Variants in GALNT13 observed in about 807,000 individuals in gnomAD.
The protein encoded by GALNT13 is polypeptide N-acetylgalactosaminyltransferase 13.
Under a neutral mutation model 64.2 loss-of-function variants are expected in GALNT13, and 28 were observed. That is an observed-to-expected ratio of 0.44 (90% CI 0.32 to 0.60). The LOEUF (loss-of-function observed/expected upper bound fraction) is 0.60. GALNT13 is among the 20% of genes least tolerant of loss of function. The pLI is 0.05. For synonymous variants in GALNT13, 214 were observed against 224.6 expected, an observed-to-expected ratio of 0.95 and a Z score of 0.42; for missense variants, 577 against 669.8, an observed-to-expected ratio of 0.86 and a Z score of 1.53.
chr2:153,738,426 A>T, the GALNT13 span, among the ~76,000 whole-genome samples: 5 of 152,052 alleles, frequency 3.3e-5, no homozygotes, highest in Admixed American at 6.6e-5. Context: ...TACACTTTTT[A>T]TTTAGCAACT....
chr2:154,109,064 T>C (rs1471320457), intron 3 of GALNT13, among the ~76,000 whole-genome samples: 3 of 152,084 alleles, frequency 2.0e-5, no homozygotes, highest in Non-Finnish European at 4.4e-5. Context: ...TTAATTGTAT[T>C]TATGTGAAAT....
chr2:153,624,347 C>T, the GALNT13 span, among the ~76,000 whole-genome samples: 2 of 152,122 alleles, frequency 1.3e-5, no homozygotes, highest in Non-Finnish European at 2.9e-5. Flanking sequence ...CTTTACCTCT[C>T]CACGCATTGT....
chr2:153,637,324 G>T, the GALNT13 span, among the ~76,000 whole-genome samples: 1 of 152,090 alleles, frequency 6.6e-6, no homozygotes, highest in African/African-American at 2.4e-5. Context: ...TCTATCACAT[G>T]ATCTTTAATT....
the GALNT13 span, among the ~76,000 whole-genome samples, chr2:153,702,418 C>T: frequency 1.3e-5 from 2 of 151,956 alleles, no homozygotes; most frequent in East Asian, 1.9e-4. Context: ...CACACGTGTA[C>T]CTGTGTAACA....
intron 4 of GALNT13, among the ~76,000 whole-genome samples, chr2:154,163,029 T>C (rs570638273): frequency 1.8e-4 from 28 of 151,780 alleles, no homozygotes; most frequent in African/African-American, 6.5e-4. Context: ...ATGTGCACAA[T>C]GTGCAGGTTA....
At chr2:153,749,527 T>C in the GALNT13 span, among the ~76,000 whole-genome samples, 1 of 152,078 alleles carries the variant, frequency 6.6e-6, no homozygotes, top group Non-Finnish European at 1.5e-5. Context: ...CAGTGTTTCA[T>C]ACTTTGCATT....
At chr2:154,148,039 G>C (rs1033194888) in intron 4 of GALNT13, among the ~76,000 whole-genome samples, 11 of 151,874 alleles carry the variant, frequency 7.2e-5, no homozygotes, top group African/African-American at 2.4e-4. Flanking sequence ...TTTAACGTTA[G>C]GTATATCTCC....
At chr2:153,900,624 A>T (rs765273822) in intron 1 of GALNT13, among the ~76,000 whole-genome samples, 2 of 152,172 alleles carry the variant, frequency 1.3e-5, no homozygotes, top group African/African-American at 2.4e-5. Context: ...TTTTTGAATT[A>T]CTTTTATGCC....
the GALNT13 span, among the ~76,000 whole-genome samples, chr2:153,245,879 T>G: frequency 6.6e-6 from 1 of 152,012 alleles, no homozygotes; most frequent in Non-Finnish European, 1.5e-5. Flanking sequence ...TCTAACCCAA[T>G]GCAAGCAGGC....
chr2:153,684,458 A>G, the GALNT13 span, among the ~76,000 whole-genome samples: 6 of 151,770 alleles, frequency 4.0e-5, no homozygotes, highest in Admixed American at 2.6e-4. Flanking sequence ...GTCACATTGC[A>G]TATTAAAATA....
At chr2:154,343,017 A>G (rs1695861686) in intron 9 of GALNT13, among the ~76,000 whole-genome samples, 1 of 151,996 alleles carries the variant, frequency 6.6e-6, no homozygotes, top group Non-Finnish European at 1.5e-5. Flanking sequence ...TGCCACGCCC[A>G]TTTTAGAGAC....
chr2:153,776,334 T>C, the GALNT13 span, among the ~76,000 whole-genome samples: 2,148 of 152,298 alleles, frequency 0.014, 46 homozygotes, highest in African/African-American at 0.048. Context: ...TGAATACAAC[T>C]GTACAAGTCT....
the GALNT13 span, among the ~76,000 whole-genome samples, chr2:153,674,477 C>T: frequency 0.17 from 26,098 of 152,154 alleles, 2,777 homozygotes; most frequent in Non-Finnish European, 0.23. Flanking sequence ...ATCAATGGTG[C>T]TGGGAAAACT....
At chr2:153,704,287 A>G in the GALNT13 span, among the ~76,000 whole-genome samples, 1 of 152,168 alleles carries the variant, frequency 6.6e-6, no homozygotes, top group African/African-American at 2.4e-5. Context: ...ATGTATAGAC[A>G]TATTAAGTGG....
the GALNT13 span, among the ~76,000 whole-genome samples, chr2:153,095,502 A>G: frequency 4.9e-4 from 74 of 152,380 alleles, no homozygotes; most frequent in South Asian, 8.3e-4. Context: ...ATCTAGGACT[A>G]GAAATACCAT....
At chr2:153,133,875 C>A in the GALNT13 span, among the ~76,000 whole-genome samples, 1 of 152,142 alleles carries the variant, frequency 6.6e-6, no homozygotes, top group African/African-American at 2.4e-5. Flanking sequence ...TGTTTCTTTT[C>A]TTTCTTCAGA....
the GALNT13 span, among the ~76,000 whole-genome samples, chr2:153,708,288 T>C: frequency 6.6e-6 from 1 of 152,156 alleles, no homozygotes; most frequent in Non-Finnish European, 1.5e-5. Flanking sequence ...ATAGTCTTCA[T>C]AGGGACCTCA....
At chr2:153,545,294 G>A in the GALNT13 span, among the ~76,000 whole-genome samples, 12 of 152,096 alleles carry the variant, frequency 7.9e-5, no homozygotes, top group African/African-American at 9.7e-5. Flanking sequence ...TTTTACTTCC[G>A]TGTTCTCCAT....
At chr2:153,345,723 TTCCTTCCTTCCTTCCTTCC>T in the GALNT13 span, among the ~76,000 whole-genome samples, 2 of 82,870 alleles carry the variant, frequency 2.4e-5, no homozygotes, top group African/African-American at 4.6e-5. Context: ...CTTTCTGTCC[TTCCTTCCTTCCTTCCTTCC>T]TTCCTTCCTT....
Sources: allele counts gnomAD v4.1 joint callset (sites outside exome capture counted in the v4.1 genomes callset), GRCh38; gene constraint gnomAD v4.1.1; transcripts MANE v1.5; gene names NCBI Gene and HGNC (gene_info 2026-07-23, HGNC 2026-07-21).